The following KCNH1 variants were observed in gnomAD, a reference collection of about 807,000 sequenced individuals.
KCNH1 encodes potassium voltage-gated channel subfamily H member 1.
A neutral mutation model predicts 69.2 loss-of-function variants in KCNH1; 27 were observed. The ratio of observed to expected loss-of-function variants is 0.39; its 90% CI spans 0.29 to 0.54. The LOEUF (loss-of-function observed/expected upper bound fraction) is 0.54. Ranked by LOEUF, KCNH1 falls within the 20% of genes least tolerant of loss-of-function variation. The pLI, the probability that KCNH1 is intolerant of heterozygous loss-of-function variation, is 0.68. For synonymous variants in KCNH1, 456 were observed against 487.7 expected (o/e 0.93, Z 0.86); for missense variants, 798 against 1,261.6 (o/e 0.63, Z 5.57).
chr1:210,846,602 T>C (rs1685554631), intron 7 of KCNH1, among the ~76,000 whole-genome samples: 2 of 152,246 alleles, frequency 1.3e-5, no homozygotes. Context: ...AAGACTTGCA[T>C]GTTAGACCTA....
chr1:210,867,875 G>C (rs1039703378), intron 7 of KCNH1, among the ~76,000 whole-genome samples: 1 of 151,922 alleles, frequency 6.6e-6, no homozygotes, highest in Non-Finnish European at 1.5e-5. Flanking sequence ...TTATTGCTGA[G>C]AGTATTCCCT....
intron 1 of KCNH1, among the ~76,000 whole-genome samples, chr1:211,123,319 T>G (rs185435928): frequency 2.2e-4 from 33 of 152,228 alleles, no homozygotes; most frequent in African/African-American, 7.9e-4. Flanking sequence ...AGCTGAGAGA[T>G]CTGTAGAGTT....
chr1:211,073,456 A>T (rs970682141), intron 5 of KCNH1, among the ~76,000 whole-genome samples: 2 of 152,202 alleles, frequency 1.3e-5, no homozygotes, highest in Non-Finnish European at 2.9e-5. Flanking sequence ...ATTCACTAAG[A>T]TAGGCCACAT....
At chr1:211,064,094 A>G (rs907364811) in intron 5 of KCNH1, among the ~76,000 whole-genome samples, 1 of 152,264 alleles carries the variant, frequency 6.6e-6, no homozygotes, top group Admixed American at 6.5e-5. Context: ...TCACTGAAGC[A>G]TTATCTGTAA....
chr1:210,981,955 C>T (rs2062673), intron 6 of KCNH1, among the ~76,000 whole-genome samples: 107,928 of 151,912 alleles, frequency 0.71, 39,308 homozygotes, highest in African/African-American at 0.87. Context: ...TTGGGGGAAG[C>T]GGGTACGGTT....
chr1:210,938,333 T>A (rs1001262699), intron 6 of KCNH1, among the ~76,000 whole-genome samples: 4 of 152,198 alleles, frequency 2.6e-5, no homozygotes, highest in Admixed American at 1.3e-4. Flanking sequence ...GAAACACACG[T>A]TAAATACTAG....
At chr1:210,691,355 G>T (rs565883568) in intron 10 of KCNH1, among the ~76,000 whole-genome samples, 1 of 152,200 alleles carries the variant, frequency 6.6e-6, no homozygotes, top group African/African-American at 2.4e-5. Context: ...TGTGCCAGGC[G>T]CTGTGTTAAA....
At chr1:210,807,543 T>C (rs1684609480) in intron 7 of KCNH1, among the ~76,000 whole-genome samples, 1 of 151,774 alleles carries the variant, frequency 6.6e-6, no homozygotes, top group South Asian at 2.1e-4. Context: ...ACCTGGGAGG[T>C]GCATGTTGCG....
chr1:210,986,313 T>C (rs1688833298), intron 6 of KCNH1, among the ~76,000 whole-genome samples: 1 of 152,238 alleles, frequency 6.6e-6, no homozygotes, highest in Admixed American at 6.5e-5. Flanking sequence ...TGTGTGAATT[T>C]GATCCTGTCA....
At chr1:210,735,760 T>C (rs1416170194) in intron 10 of KCNH1, among the ~76,000 whole-genome samples, 1 of 151,682 alleles carries the variant, frequency 6.6e-6, no homozygotes, top group East Asian at 1.9e-4. Flanking sequence ...ACCCTGTCCC[T>C]ATACACACAT....
At chr1:211,065,336 C>T (rs1340876023) in intron 5 of KCNH1, among the ~76,000 whole-genome samples, 1 of 152,152 alleles carries the variant, frequency 6.6e-6, no homozygotes, top group Non-Finnish European at 1.5e-5. Flanking sequence ...TTTGCAACAA[C>T]ATAAATGGAA....
At chr1:210,863,416 C>T (rs560244298) in intron 7 of KCNH1, among the ~76,000 whole-genome samples, 3 of 152,310 alleles carry the variant, frequency 2.0e-5, no homozygotes, top group Admixed American at 6.5e-5. Context: ...TAGCAGGCTG[C>T]AATCTGGGAA....
intron 3 of KCNH1, among the ~76,000 whole-genome samples, chr1:211,098,589 A>G (rs1269000728): frequency 1.3e-5 from 2 of 152,222 alleles, no homozygotes; most frequent in Non-Finnish European, 2.9e-5. Flanking sequence ...TCCTTTCTAC[A>G]AAGTTGTCCT....
chr1:210,887,219 G>A (rs1172766675), intron 7 of KCNH1, among the ~76,000 whole-genome samples: 1 of 152,164 alleles, frequency 6.6e-6, no homozygotes, highest in Admixed American at 6.5e-5. Flanking sequence ...ATACAAGCTA[G>A]AAGAGAGTGG....
chr1:211,031,658 A>C (rs1447963102), intron 5 of KCNH1, among the ~76,000 whole-genome samples: 1 of 152,182 alleles, frequency 6.6e-6, no homozygotes, highest in Non-Finnish European at 1.5e-5. Flanking sequence ...AACGACAAAA[A>C]ACACATGATT....
chr1:211,132,280 C>T (rs1691889708), intron 1 of KCNH1, among the ~76,000 whole-genome samples: 1 of 152,158 alleles, frequency 6.6e-6, no homozygotes, highest in South Asian at 2.1e-4. Flanking sequence ...GCAATAATAG[C>T]ACAGTAACTC....
intron 10 of KCNH1, among the ~76,000 whole-genome samples, chr1:210,759,154 T>C (rs1326256117): frequency 2.2e-5 from 1 of 46,474 alleles, no homozygotes; most frequent in African/African-American, 1.3e-4. Flanking sequence ...ATCCAAATGA[T>C]AGACACACAC....
At chr1:210,800,057 C>T (rs1684399876) in intron 8 of KCNH1, among the ~76,000 whole-genome samples, 1 of 152,214 alleles carries the variant, frequency 6.6e-6, no homozygotes, top group African/African-American at 2.4e-5. Flanking sequence ...TGGGACAAAG[C>T]CTGGCCCCAG....
chr1:210,902,589 G>A (rs75476558), intron 7 of KCNH1, among the ~76,000 whole-genome samples: 3,828 of 152,248 alleles, frequency 0.025, 79 homozygotes, highest in Non-Finnish European at 0.039. Flanking sequence ...CCACAGACCC[G>A]CCATATGGCT....
Sources: allele counts gnomAD v4.1 joint callset (sites outside exome capture counted in the v4.1 genomes callset), GRCh38; gene constraint gnomAD v4.1.1; transcripts MANE v1.5; gene names NCBI Gene and HGNC (gene_info 2026-07-23, HGNC 2026-07-21).